The following FRMD6 variants were observed in gnomAD, a reference collection of about 807,000 sequenced individuals.
The protein encoded by FRMD6 is FERM domain-containing protein 6.
FRMD6 carries 37 observed loss-of-function variants against 73.2 expected under a neutral mutation model. The ratio of observed to expected loss-of-function variants is 0.51; its 90% confidence interval spans 0.39 to 0.66. The LOEUF (loss-of-function observed/expected upper bound fraction) is 0.66. FRMD6 is among the 30% of genes least tolerant of loss of function. FRMD6 has a pLI of 0.00. For synonymous variants in FRMD6, 273 were observed against 282.2 expected (o/e 0.97, Z 0.33); for missense variants, 714 against 780.5 (o/e 0.91, Z 1.02).
At chr14:51,471,238 C>G in the FRMD6 span, among the ~76,000 whole-genome samples, 1 of 152,042 alleles carries the variant, frequency 6.6e-6, no homozygotes, top group Non-Finnish European at 1.5e-5. Context: ...GCTTATAATC[C>G]TAGCACTTTG....
At chr14:51,487,776 G>A (rs1882805551), upstream of FRMD6, among the ~76,000 whole-genome samples, 1 of 152,168 alleles carries the variant, frequency 6.6e-6, no homozygotes, top group Non-Finnish European at 1.5e-5. Context: ...ACATTTCCAA[G>A]AGTGAAGCAA....
At chr14:51,523,425 A>G (rs1177967483) in intron 1 of FRMD6, among the ~76,000 whole-genome samples, 1 of 152,230 alleles carries the variant, frequency 6.6e-6, no homozygotes. Flanking sequence ...GAAGGCACAT[A>G]TGCAGAACTG....
At chr14:51,643,991 A>C (rs1407765467) in intron 2 of FRMD6, among the ~76,000 whole-genome samples, 1 of 152,172 alleles carries the variant, frequency 6.6e-6, no homozygotes, top group Admixed American at 6.5e-5. Context: ...TCTTATTAAG[A>C]AATTAATAAT....
intron 2 of FRMD6, among the ~76,000 whole-genome samples, chr14:51,598,068 T>C (rs567876217): frequency 6.6e-6 from 1 of 152,196 alleles, no homozygotes; most frequent in Non-Finnish European, 1.5e-5. Context: ...CAGTGGAAAA[T>C]TCCCTATTTT....
intron 1 of FRMD6, among the ~76,000 whole-genome samples, chr14:51,549,685 C>A (rs1479309120): frequency 2.1e-5 from 3 of 141,736 alleles, no homozygotes; most frequent in African/African-American, 7.7e-5. Context: ...AGGCTCCGCC[C>A]CCCAGGTTCA....
intron 1 of FRMD6, among the ~76,000 whole-genome samples, chr14:51,515,599 A>T (rs1358321459): frequency 6.6e-6 from 1 of 152,198 alleles, no homozygotes; most frequent in Non-Finnish European, 1.5e-5. Flanking sequence ...TTGCCCCTTG[A>T]TGATAGGTTT....
At chr14:51,639,445 AAT>A (rs10599128) in intron 2 of FRMD6, among the ~76,000 whole-genome samples, 2 of 147,468 alleles carry the variant, frequency 1.4e-5, no homozygotes, top group Admixed American at 6.8e-5. Context: ...AAAAAAAAAA[AAT>A]AATTATTATT....
At chr14:51,703,201 A>G (rs1896431279) in intron 5 of FRMD6, among the ~76,000 whole-genome samples, 1 of 152,068 alleles carries the variant, frequency 6.6e-6, no homozygotes, top group South Asian at 2.1e-4. Context: ...GAACAGTAGT[A>G]GGCTCAGGAT....
At chr14:51,524,447 G>A (rs1049108796) in intron 1 of FRMD6, among the ~76,000 whole-genome samples, 3 of 151,940 alleles carry the variant, frequency 2.0e-5, no homozygotes, top group Non-Finnish European at 4.4e-5. Flanking sequence ...GGGACCTCTG[G>A]GGGCAAGGAG....
At chr14:51,469,331 T>C in the FRMD6 span, among the ~76,000 whole-genome samples, 1 of 150,650 alleles carries the variant, frequency 6.6e-6, no homozygotes, top group Non-Finnish European at 1.5e-5. Flanking sequence ...TGCTTTGTCA[T>C]GGCTGGGCCC....
At chr14:51,648,695 T>G (rs1892189878), upstream of FRMD6, among the ~76,000 whole-genome samples, 1 of 152,244 alleles carries the variant, frequency 6.6e-6, no homozygotes, top group South Asian at 2.1e-4. Flanking sequence ...ATGTTGTAAC[T>G]GTTAACTCAC....
chr14:51,463,023 T>G, the FRMD6 span, among the ~76,000 whole-genome samples: 1 of 152,198 alleles, frequency 6.6e-6, no homozygotes, highest in African/African-American at 2.4e-5. Flanking sequence ...AAATAAGCAT[T>G]TGCCATGTAT....
intron 1 of FRMD6, among the ~76,000 whole-genome samples, chr14:51,502,039 G>T (rs1883652317): frequency 6.6e-6 from 1 of 152,082 alleles, no homozygotes; most frequent in Non-Finnish European, 1.5e-5. Flanking sequence ...AGAAGTGTCT[G>T]TTCATGTCCT....
intron 1 of FRMD6, among the ~76,000 whole-genome samples, chr14:51,550,543 C>A (rs1886752617): frequency 6.6e-6 from 1 of 151,188 alleles, no homozygotes; most frequent in Non-Finnish European, 1.5e-5. Flanking sequence ...AGAGGCCTTG[C>A]CAGTGCCAGC....
At chr14:51,469,618 GAAA>G in the FRMD6 span, among the ~76,000 whole-genome samples, 3 of 96,754 alleles carry the variant, frequency 3.1e-5, no homozygotes, top group Non-Finnish European at 6.2e-5. Context: ...ATTTCAAAAA[GAAA>G]AAAAAAAAAA....
chr14:51,465,319 G>A, the FRMD6 span, among the ~76,000 whole-genome samples: 2 of 152,116 alleles, frequency 1.3e-5, no homozygotes, highest in African/African-American at 4.8e-5. Flanking sequence ...TATTTAAAAT[G>A]TACCATTAGA....
chr14:51,510,699 A>T (rs1884248157), intron 1 of FRMD6, among the ~76,000 whole-genome samples: 2 of 152,164 alleles, frequency 1.3e-5, no homozygotes, highest in African/African-American at 4.8e-5. Flanking sequence ...GCCATAAAAA[A>T]TGCCTGGTAA....
upstream of FRMD6, among the ~76,000 whole-genome samples, chr14:51,647,164 T>C (rs780513564): frequency 6.6e-6 from 1 of 152,246 alleles, no homozygotes; most frequent in African/African-American, 2.4e-5. Flanking sequence ...TTACATATTT[T>C]TTTTTCAAAA....
chr14:51,496,797 T>C (rs1227173061), intron 1 of FRMD6, among the ~76,000 whole-genome samples: 1 of 152,164 alleles, frequency 6.6e-6, no homozygotes, highest in Non-Finnish European at 1.5e-5. Context: ...AATACACTCA[T>C]CCCTCCAAGA....
Sources: allele counts gnomAD v4.1 joint callset (sites outside exome capture counted in the v4.1 genomes callset), GRCh38; gene constraint gnomAD v4.1.1; transcripts MANE v1.5; gene names NCBI Gene and HGNC (gene_info 2026-07-23, HGNC 2026-07-21).